Variants in ERC1 observed in about 807,000 individuals in gnomAD.
ERC1 encodes RAB6 interacting protein 2.
A neutral mutation model predicts 132.0 loss-of-function variants in ERC1; 56 were observed. That is an observed-to-expected ratio of 0.42 (90% CI 0.34 to 0.53). ERC1 has a LOEUF of 0.53. Ranked by LOEUF, ERC1 falls within the 20% of genes least tolerant of loss-of-function variation. The pLI is 0.03. For synonymous variants in ERC1, 478 were observed against 476.1 expected, an observed-to-expected ratio of 1.00 and a Z score of -0.05; for missense variants, 1,202 against 1,349.9, an observed-to-expected ratio of 0.89 and a Z score of 1.72.
chr12:1,204,775 T>A (rs1183454497), intron 12 of ERC1, among the ~76,000 whole-genome samples: 4 of 152,016 alleles, frequency 2.6e-5, no homozygotes, highest in Non-Finnish European at 4.4e-5. Flanking sequence ...GAAAAGAGCA[T>A]TACGAGGAAA....
chr12:1,121,464 A>G (rs79698423), intron 7 of ERC1, among the ~76,000 whole-genome samples: 1,613 of 152,320 alleles, frequency 0.011, 32 homozygotes, highest in African/African-American at 0.036. Flanking sequence ...GGAGAAAAGG[A>G]TTTAGGTTGA....
intron 16 of ERC1, among the ~76,000 whole-genome samples, chr12:1,386,182 G>A (rs2089324135): frequency 6.6e-6 from 1 of 151,596 alleles, no homozygotes; most frequent in African/African-American, 2.4e-5. Context: ...TGGGACTATA[G>A]GTGCCTGCCA....
At chr12:997,849 T>C (rs1340366081) in intron 1 of ERC1, among the ~76,000 whole-genome samples, 1 of 152,204 alleles carries the variant, frequency 6.6e-6, no homozygotes, top group African/African-American at 2.4e-5. Flanking sequence ...AGAGGTGTCC[T>C]GATTGGAAAG....
At chr12:1,011,402 C>G (rs1197283211) in intron 1 of ERC1, among the ~76,000 whole-genome samples, 2 of 152,110 alleles carry the variant, frequency 1.3e-5, no homozygotes, top group Non-Finnish European at 2.9e-5. Context: ...GACAGGGTCT[C>G]TCCGTATTGC....
intron 1 of ERC1, among the ~76,000 whole-genome samples, chr12:1,003,048 C>T (rs1028472448): frequency 7.9e-6 from 1 of 126,608 alleles, no homozygotes; most frequent in South Asian, 2.4e-4. Context: ...TCCAGGAGTT[C>T]GAGACCAGCC....
intron 12 of ERC1, among the ~76,000 whole-genome samples, chr12:1,219,373 C>T (rs1412930299): frequency 1.3e-5 from 2 of 152,160 alleles, no homozygotes; most frequent in African/African-American, 4.8e-5. Context: ...AGTTTCCCAC[C>T]CTCAATAAAT....
intron 12 of ERC1, among the ~76,000 whole-genome samples, chr12:1,211,179 G>T (rs890099443): frequency 5.3e-5 from 8 of 151,728 alleles, no homozygotes; most frequent in Admixed American, 3.9e-4. Flanking sequence ...ACAGAGTTTC[G>T]CTCTTATTGC....
chr12:1,404,995 G>A (rs1182005019), intron 16 of ERC1, among the ~76,000 whole-genome samples: 4 of 150,682 alleles, frequency 2.7e-5, no homozygotes, highest in Non-Finnish European at 1.5e-5. Flanking sequence ...AAAAAAAATA[G>A]CCAGCGTGGT....
chr12:1,028,736 T>C (rs1246729286), intron 2 of ERC1, among the ~76,000 whole-genome samples, 164 bp downstream of exon 2: 1 of 152,210 alleles, frequency 6.6e-6, no homozygotes, highest in Admixed American at 6.5e-5. Context: ...CTTTCCAAAT[T>C]TGGTCCTGTA....
chr12:1,209,417 T>TC (rs1957656169), intron 12 of ERC1, among the ~76,000 whole-genome samples: 1 of 151,060 alleles, frequency 6.6e-6, no homozygotes, highest in African/African-American at 2.4e-5. Context: ...TTTTTTTTTT[T>TC]TGCTCTAATT....
intron 18 of ERC1, among the ~76,000 whole-genome samples, chr12:1,466,596 A>G (rs2093747888): frequency 1.3e-5 from 2 of 152,140 alleles, no homozygotes; most frequent in African/African-American, 4.8e-5. Flanking sequence ...AGCTCTGGAA[A>G]CTGCATTCCA....
intron 2 of ERC1, among the ~76,000 whole-genome samples, chr12:1,063,300 G>A (rs368195477): frequency 4.0e-5 from 6 of 150,862 alleles, no homozygotes; most frequent in Non-Finnish European, 7.4e-5. Flanking sequence ...TTGCTCTGTC[G>A]CCCAGGCTGT....
At chr12:1,240,173 C>T (rs757397065) in intron 13 of ERC1, among the ~76,000 whole-genome samples, 4 of 152,200 alleles carry the variant, frequency 2.6e-5, no homozygotes, top group South Asian at 4.2e-4. Context: ...TTTTTAAATC[C>T]GGAAACTTCA....
At chr12:1,008,517 T>C (rs2079300) in intron 1 of ERC1, among the ~76,000 whole-genome samples, 64,692 of 151,968 alleles carry the variant, frequency 0.43, 15,168 homozygotes, top group African/African-American at 0.62. Flanking sequence ...GCTCAAGTGA[T>C]CCATCCGCTT....
intron 11 of ERC1, among the ~76,000 whole-genome samples, chr12:1,184,166 A>AT (rs1566176623): frequency 2.0e-5 from 3 of 151,748 alleles, no homozygotes; most frequent in African/African-American, 4.8e-5. Context: ...AAAAAAAAGA[A>AT]TAAGTGGGAG....
intron 13 of ERC1, among the ~76,000 whole-genome samples, chr12:1,249,709 C>A (rs537461527): frequency 6.6e-6 from 1 of 152,096 alleles, no homozygotes; most frequent in African/African-American, 2.4e-5. Context: ...GCTGCTATAG[C>A]GAAATACTGT....
At chr12:1,220,321 G>A (rs1201664667) in intron 12 of ERC1, among the ~76,000 whole-genome samples, 1 of 152,110 alleles carries the variant, frequency 6.6e-6, no homozygotes, top group Non-Finnish European at 1.5e-5. Context: ...TTGAGGGTGG[G>A]GACATTGTAT....
intron 8 of ERC1, among the ~76,000 whole-genome samples, chr12:1,180,047 A>C (rs899471994): frequency 3.3e-5 from 5 of 152,184 alleles, no homozygotes; most frequent in African/African-American, 1.2e-4. Flanking sequence ...CTTTAAGAAC[A>C]CAGTCTTTTC....
intron 12 of ERC1, among the ~76,000 whole-genome samples, chr12:1,205,413 G>GTATA (rs58629430): frequency 1.4e-5 from 2 of 143,726 alleles, no homozygotes; most frequent in South Asian, 4.4e-4. Flanking sequence ...GTGTGTGTGT[G>GTATA]TATATATATA....
Sources: gnomAD v4.1 joint callset for allele counts (sites outside exome capture counted in the v4.1 genomes callset) on GRCh38, gnomAD v4.1.1 for gene constraint, MANE v1.5 for transcripts, NCBI Gene and HGNC (gene_info 2026-07-23, HGNC 2026-07-21) for gene names.